The following C10orf90 variants were observed in gnomAD, a reference collection of about 807,000 sequenced individuals.
The protein encoded by C10orf90 is chromosome 10 open reading frame 90.
A neutral mutation model predicts 62.5 loss-of-function variants in C10orf90; 56 were observed. The observed-to-expected ratio is 0.90, with a 90% CI of 0.72 to 1.12. C10orf90 has a LOEUF of 1.12. Ranked by LOEUF, C10orf90 falls within the 50% of genes most tolerant of loss-of-function variation. The probability of loss-of-function intolerance (pLI) is 0.00; values close to 1 mark genes in which losing one functional copy is unlikely to be tolerated. For synonymous variants in C10orf90, 386 were observed against 340.4 expected (o/e 1.13, Z -1.47); for missense variants, 970 against 880.4 (o/e 1.10, Z -1.29).
At chr10:126,637,833 GA>G (rs1164049468) in intron 2 of C10orf90, among the ~76,000 whole-genome samples, 1 of 152,206 alleles carries the variant, frequency 6.6e-6, no homozygotes, top group African/African-American at 2.4e-5. Context: ...GGAAGGCATG[GA>G]AGGGTCTTAA....
intron 2 of C10orf90, among the ~76,000 whole-genome samples, chr10:126,530,921 C>G (rs1484865906): frequency 6.6e-6 from 1 of 152,088 alleles, no homozygotes; most frequent in African/African-American, 2.4e-5. Context: ...CGCCTGTAAT[C>G]CCAGCACTTT....
chr10:126,640,556 T>C (rs2133842846), intron 2 of C10orf90, among the ~76,000 whole-genome samples: 1 of 152,266 alleles, frequency 6.6e-6, no homozygotes, highest in East Asian at 1.9e-4. Context: ...GGAAAAAGGA[T>C]AAGTCAGCAA....
intron 2 of C10orf90, chr10:126,524,833 C>CT (rs1863886015): frequency 1.0e-6 from 1 of 985,388 alleles, no homozygotes; most frequent in Non-Finnish European, 1.2e-6. Context: ...GGGAGGCAGT[C>CT]TCCACTTTAG....
At chr10:126,606,621 C>A (rs1845317722) in intron 2 of C10orf90, among the ~76,000 whole-genome samples, 1 of 152,168 alleles carries the variant, frequency 6.6e-6, no homozygotes, top group Non-Finnish European at 1.5e-5. Flanking sequence ...GAACTTTGAG[C>A]AGCTCTGATG....
At chr10:126,482,843 G>T (rs1290812119) in intron 4 of C10orf90, among the ~76,000 whole-genome samples, 1 of 152,112 alleles carries the variant, frequency 6.6e-6, no homozygotes, top group African/African-American at 2.4e-5. Context: ...GCATTTCCTT[G>T]CAGGAAAAAA....
chr10:126,533,517 A>G (rs561237445), intron 2 of C10orf90, among the ~76,000 whole-genome samples: 2 of 152,330 alleles, frequency 1.3e-5, no homozygotes, highest in Admixed American at 1.3e-4. Flanking sequence ...AAAACAAACC[A>G]GTCCTGTTTT....
rs1391830640 is a variant in C10orf90 at position 126,565,417 on chromosome 10, T to TATATTATATAATA, written c.314-51479_314-51478insTATTATATAATAT. Among the ~76,000 whole-genome samples the TATATTATATAATA allele has an allele frequency of 1.9e-3, 29 of 15,384 alleles. 1 individual carries two copies. The highest frequency in any genetic ancestry group is 8.6e-3 in the South Asian group (9 of 1,050). 10.1% of individuals were successfully genotyped at this position (15,384 alleles called of 152,430 possible). On this transcript the variant is annotated intron_variant, in intron 2 of 9. Transcript: ENST00000488181. ...ATATTATATTATATATAATATATAT[T>TATATTATATAATA]ATATATATTATATATATTATACACA...
At chr10:126,571,059 G>A (rs1211741075) in intron 2 of C10orf90, among the ~76,000 whole-genome samples, 1 of 152,108 alleles carries the variant, frequency 6.6e-6, no homozygotes, top group Non-Finnish European at 1.5e-5. Flanking sequence ...TGTGCTTGCC[G>A]CAGGAAATTG....
At chr10:126,647,295 A>G (rs191840388) in intron 1 of C10orf90, among the ~76,000 whole-genome samples, 1 of 152,276 alleles carries the variant, frequency 6.6e-6, no homozygotes, top group East Asian at 1.9e-4. Context: ...ACCTCGCCCC[A>G]AAGCTGGAGA....
chr10:126,437,414 G>C (rs1161870436), intron 7 of C10orf90, among the ~76,000 whole-genome samples: 3 of 152,182 alleles, frequency 2.0e-5, no homozygotes, highest in Non-Finnish European at 4.4e-5. Context: ...TCTGTGGCTA[G>C]GCCAGTGGTC....
intron 1 of C10orf90, among the ~76,000 whole-genome samples, chr10:126,663,671 T>C (rs1846564837): frequency 6.6e-6 from 1 of 152,118 alleles, no homozygotes; most frequent in Admixed American, 6.5e-5. Context: ...CCAGTTTTCT[T>C]AACATGGACA....
chr10:126,504,023 G>A lies in C10orf90; in HGVS notation c.1468C>T (p.His490Tyr), dbSNP rs769264255. The A allele has an allele frequency of 6.2e-7, 1 of 1,614,072 alleles. No individual in the cohort carries two copies. Among genetic ancestry groups the A allele is most frequent in the East Asian group, 2.2e-5 (1 of 44,882 alleles). ...TTGGCATGATCGCTGGCGTGACAAT[G>A]AGTTGTATGGTCCTTTTCCCCTTTT... The part of the protein sequence containing the change: ...VRKGEKDHTT[H>Y]CHASDHANQL... The change falls in exon 4 of 10, where the codon CAT (histidine) becomes TAT (tyrosine). Residue 490 changes from histidine to tyrosine, a missense_variant. Transcript: ENST00000488181. This position sits in a 1 kb window ranked among gnomAD's most constrained non-coding sequence, Gnocchi z 4.1.
Position 126,504,902 on chromosome 10 carries a change from A to C in C10orf90, c.589T>G (p.Phe197Val). 6.2e-7 allele frequency: 1 copy of C among 1,614,154 alleles called. No homozygotes were observed. Among genetic ancestry groups the C allele is most frequent in the African/African-American group, 1.3e-5 (1 of 75,048 alleles). Residue 197 changes from phenylalanine (F) to valine (V), a missense_variant, in exon 4 of 10, where the codon TTT becomes GTT. Physicochemically the swap from Phe to Val is conservative, Grantham distance 50 (BLOSUM62 -1). Coordinates refer to ENST00000488181, the MANE Select transcript of C10orf90 (RefSeq NM_001350921.2). This position sits in a 1 kb window ranked among gnomAD's most constrained non-coding sequence, Gnocchi z 4.1. ...CCTAATCTGCCCGGAAGTAACGCAA[A>C]TGCTCTGTGAATGTTGACTCCGCTG... The part of the protein sequence containing the change: ...NRSGVNIHRA[F>V]ALLPGRLGIP...
chr10:126,429,868 A>G lies in C10orf90; in HGVS notation c.2189-18T>C, dbSNP rs199684928. 37 of 1,606,334 alleles carry G rather than the reference A, an allele frequency of 2.3e-5. No individual in the cohort carries two copies. Among genetic ancestry groups the G allele is most frequent in the Non-Finnish European group, 2.7e-5 (32 of 1,172,968 alleles). On this transcript the variant is annotated intron_variant, in intron 7 of 9. Coordinates refer to ENST00000488181, the MANE Select transcript of C10orf90 (RefSeq NM_001350921.2). ...CAAGTTATCTGGAAAAAATAGAAAG[A>G]GAATTAAGTTCAGAAGGCATAGAAT...
chr10:126,497,936 C>T (rs927177457), intron 4 of C10orf90, among the ~76,000 whole-genome samples: 1 of 152,212 alleles, frequency 6.6e-6, no homozygotes, highest in Non-Finnish European at 1.5e-5. Flanking sequence ...CTTGTCCATT[C>T]ATCAGCTGAT....
At chr10:126,445,805 G>GTGTATATATA (rs1554886858) in intron 7 of C10orf90, among the ~76,000 whole-genome samples, 27 of 100,732 alleles carry the variant, frequency 2.7e-4, no homozygotes, top group African/African-American at 8.9e-4. Flanking sequence ...AAACTGTGGT[G>GTGTATATATA]TATATATATA....
At chr10:126,510,799 G>T (rs1863062097) in intron 3 of C10orf90, among the ~76,000 whole-genome samples, 1 of 152,188 alleles carries the variant, frequency 6.6e-6, no homozygotes. Context: ...TATGCCTTGA[G>T]GTATTTCTAA....
At chr10:126,532,940 A>T (rs969511092) in intron 2 of C10orf90, among the ~76,000 whole-genome samples, 1 of 146,282 alleles carries the variant, frequency 6.8e-6, no homozygotes, top group Non-Finnish European at 1.5e-5. Flanking sequence ...TTATTTATTT[A>T]TTTATTTTTT....
intron 2 of C10orf90, among the ~76,000 whole-genome samples, chr10:126,590,571 G>A (rs183412403): frequency 5.3e-5 from 8 of 152,168 alleles, no homozygotes; most frequent in African/African-American, 7.2e-5. Flanking sequence ...ATTCAATAGC[G>A]TGCTCCTGAA....
Sources: allele counts gnomAD v4.1 joint callset (sites outside exome capture counted in the v4.1 genomes callset), GRCh38; gene constraint gnomAD v4.1.1; non-coding constraint Gnocchi (gnomAD v3.1); transcripts MANE v1.5; gene names NCBI Gene and HGNC (gene_info 2026-07-23, HGNC 2026-07-21).